The following PPM1H variants were observed in gnomAD, a reference collection of about 807,000 sequenced individuals.
PPM1H encodes the protein protein phosphatase 1H.
In PPM1H, 27 loss-of-function variants were observed where a neutral mutation model predicts 54.9. That is an observed-to-expected ratio of 0.49 (90% CI 0.36 to 0.68). The LOEUF (loss-of-function observed/expected upper bound fraction) is 0.68, where lower values mean the gene tolerates loss of function less well. Ranked by LOEUF, PPM1H falls within the 30% of genes least tolerant of loss-of-function variation. The pLI is 0.00. For missense variants in PPM1H, 596 were observed against 667.8 expected (o/e 0.89, Z 1.19); for synonymous variants, 305 against 270.8 (o/e 1.13, Z -1.24).
chr12:62,761,514 A>C (rs1316161652), intron 4 of PPM1H, among the ~76,000 whole-genome samples: 1 of 152,204 alleles, frequency 6.6e-6, no homozygotes, highest in Non-Finnish European at 1.5e-5. Flanking sequence ...ACTGTGTAAA[A>C]AATCCTTGAA....
intron 2 of PPM1H, among the ~76,000 whole-genome samples, chr12:62,815,741 G>A (rs1173906936): frequency 6.6e-6 from 1 of 152,118 alleles, no homozygotes; most frequent in Admixed American, 6.5e-5. Flanking sequence ...TTACAGATGG[G>A]AAAATTGAGG....
At chr12:62,725,757 C>T (rs2120482664) in intron 5 of PPM1H, among the ~76,000 whole-genome samples, 1 of 152,166 alleles carries the variant, frequency 6.6e-6, no homozygotes, top group East Asian at 1.9e-4. Flanking sequence ...TTTTGATGTT[C>T]ACATATGTCC....
intron 4 of PPM1H, among the ~76,000 whole-genome samples, chr12:62,754,090 T>C (rs542999473): frequency 6.6e-6 from 1 of 152,276 alleles, no homozygotes; most frequent in East Asian, 1.9e-4. Flanking sequence ...TGGATTATAT[T>C]TTAGGGCCCC....
At chr12:62,739,144 T>C (rs1221773866) in intron 4 of PPM1H, among the ~76,000 whole-genome samples, 1 of 151,938 alleles carries the variant, frequency 6.6e-6, no homozygotes. Flanking sequence ...TGTGAGAAGA[T>C]GAGGCCTCTT....
chr12:62,703,976 G>GTGTGTGTGTGTC (rs1491348165), intron 6 of PPM1H, among the ~76,000 whole-genome samples: 1 of 610 alleles, frequency 1.6e-3, no homozygotes, highest in African/African-American at 2.0e-3. Flanking sequence ...GAGAGAAAGC[G>GTGTGTGTGTGTC]TGTGTGTGTG....
chr12:62,659,336 G>A (rs1328324649), intron 9 of PPM1H: 6 of 446,034 alleles, frequency 1.3e-5, no homozygotes, highest in South Asian at 2.3e-5. Flanking sequence ...CCATAAAGCC[G>A]CCTTTTAATT....
rs80324076 is a variant in PPM1H, at chr12:62,696,917, C to T, written c.1074-2918G>A. On this transcript the variant is annotated intron_variant, in intron 6 of 9. Transcript: ENST00000228705. ...GCTTTGGGAATTTCTCATTCTAGTC[C>T]GAGTCTGAAATGAGACCATTATTGT... Among the ~76,000 whole-genome samples the T allele has an allele frequency of 4.0e-3, 613 of 152,208 alleles. 4 individuals carry two copies. The highest frequency in any genetic ancestry group is 0.014 in the African/African-American group (589 of 41,522).
chr12:62,897,993 C>G (rs112573552), intron 1 of PPM1H, among the ~76,000 whole-genome samples: 3,716 of 152,238 alleles, frequency 0.024, 122 homozygotes, highest in African/African-American at 0.07. Flanking sequence ...GAAACTGACC[C>G]TTAGCCTAAA....
At chr12:62,932,423 T>G (rs1265205749) in intron 1 of PPM1H, among the ~76,000 whole-genome samples, 1 of 152,022 alleles carries the variant, frequency 6.6e-6, no homozygotes, top group Non-Finnish European at 1.5e-5. Flanking sequence ...CCACCTTCAG[T>G]GTTTCAGTAT....
chr12:62,821,487 T>G (rs1172671962), intron 2 of PPM1H, among the ~76,000 whole-genome samples: 6 of 151,944 alleles, frequency 3.9e-5, no homozygotes. Flanking sequence ...TCACCAAGGT[T>G]GAAATGAAGG....
intron 4 of PPM1H, among the ~76,000 whole-genome samples, chr12:62,749,998 G>A (rs768076331): frequency 2.0e-5 from 3 of 150,590 alleles, no homozygotes; most frequent in South Asian, 2.1e-4. Context: ...GTGCGCCAGC[G>A]CAAAATTTTC....
chr12:62,810,836 T>C (rs570103620), intron 2 of PPM1H, among the ~76,000 whole-genome samples: 1 of 152,172 alleles, frequency 6.6e-6, no homozygotes, highest in African/African-American at 2.4e-5. Context: ...TTGAAGAAGA[T>C]GATAAAGGAC....
chr12:62,673,085 C>G (rs1210684640), intron 8 of PPM1H, among the ~76,000 whole-genome samples: 1 of 152,194 alleles, frequency 6.6e-6, no homozygotes, highest in Admixed American at 6.5e-5. Flanking sequence ...CAAACTCTTT[C>G]CTTTTCTTCC....
chr12:62,877,967 G>C (rs1870238955), intron 1 of PPM1H, among the ~76,000 whole-genome samples: 1 of 152,040 alleles, frequency 6.6e-6, no homozygotes, highest in Non-Finnish European at 1.5e-5. Flanking sequence ...GCACAATCTC[G>C]GCTCACTGCA....
chr12:62,682,233 C>T lies in PPM1H; in HGVS notation c.1245+7466G>A, dbSNP rs140670385. Among the ~76,000 whole-genome samples, 696 of 152,286 alleles carry T rather than the reference C, an allele frequency of 4.6e-3. 4 individuals are homozygous for T. The highest frequency in any genetic ancestry group is 0.016 in the African/African-American group (649 of 41,558). ...GGCCATGCATATATGCTTTTTTCTG[C>T]ATATCATCACTCTCTTTGTATGAAC... On this transcript the variant is annotated intron_variant, in intron 8 of 9. Coordinates refer to ENST00000228705, the MANE Select transcript of PPM1H (RefSeq NM_020700.2).
At chr12:62,705,591 T>C (rs781011364) in intron 6 of PPM1H, among the ~76,000 whole-genome samples, 1 of 152,232 alleles carries the variant, frequency 6.6e-6, no homozygotes, top group Non-Finnish European at 1.5e-5. Flanking sequence ...ACATTATGAA[T>C]GACTCTTAAG....
intron 1 of PPM1H, among the ~76,000 whole-genome samples, chr12:62,902,141 T>G (rs780363293): frequency 4.7e-4 from 72 of 151,928 alleles, no homozygotes; most frequent in Non-Finnish European, 8.4e-4. Context: ...GGTGGGCAGA[T>G]CACGAGGTCA....
At chr12:62,893,817 C>A (rs992304016) in intron 1 of PPM1H, among the ~76,000 whole-genome samples, 6 of 152,200 alleles carry the variant, frequency 3.9e-5, no homozygotes, top group Middle Eastern at 3.4e-3. Context: ...TCTTTAAAGG[C>A]CCTATCTCCA....
intron 2 of PPM1H, among the ~76,000 whole-genome samples, chr12:62,809,467 C>T (rs1487642970): frequency 2.6e-5 from 4 of 152,206 alleles, no homozygotes; most frequent in Non-Finnish European, 5.9e-5. Context: ...AAAGTCAGAT[C>T]TGTGAACATG....
Sources: allele counts gnomAD v4.1 joint callset (sites outside exome capture counted in the v4.1 genomes callset), GRCh38; gene constraint gnomAD v4.1.1; transcripts MANE v1.5; gene names NCBI Gene and HGNC (gene_info 2026-07-23, HGNC 2026-07-21).